UHRF2: variants seen among roughly 807,000 people sequenced by gnomAD.
UHRF2 encodes E3 ubiquitin-protein ligase UHRF2.
In UHRF2, 23 loss-of-function variants were observed where a neutral mutation model predicts 96.8. That is an observed-to-expected ratio of 0.24 (90% CI 0.17 to 0.34). UHRF2 has a LOEUF of 0.34. Among genes scored for constraint, UHRF2 ranks in the 10% least tolerant of loss-of-function variants. The pLI is 1.00. For missense variants in UHRF2, 685 were observed against 981.5 expected (o/e 0.70, Z 4.04); for synonymous variants, 385 against 332.6 (o/e 1.16, Z -1.72).
intron 2 of UHRF2, among the ~76,000 whole-genome samples, chr9:6,428,533 C>CTTT (rs1171172143): frequency 4.6e-5 from 3 of 65,420 alleles, no homozygotes; most frequent in South Asian, 6.9e-4. Context: ...ATTGCTTTTG[C>CTTT]TTTTTTTTTT....
At chr9:6,453,890 G>A (rs914565489) in intron 3 of UHRF2, among the ~76,000 whole-genome samples, 13 of 152,084 alleles carry the variant, frequency 8.5e-5, no homozygotes, top group African/African-American at 3.1e-4. Context: ...GGGCAACAGA[G>A]TAAGACTCCG....
chr9:6,502,417 C>T (rs1587888881), intron 14 of UHRF2, among the ~76,000 whole-genome samples: 1 of 152,280 alleles, frequency 6.6e-6, no homozygotes, highest in Admixed American at 6.5e-5. Flanking sequence ...GAGAGATCTT[C>T]CCAAACTACC....
intron 3 of UHRF2, among the ~76,000 whole-genome samples, chr9:6,451,523 T>C (rs1305156410): frequency 6.6e-6 from 1 of 151,880 alleles, no homozygotes; most frequent in Non-Finnish European, 1.5e-5. Flanking sequence ...GTCGCCCAGG[T>C]TGGAGTGCAG....
At chr9:6,437,306 C>T (rs944861688) in intron 3 of UHRF2, among the ~76,000 whole-genome samples, 4 of 152,188 alleles carry the variant, frequency 2.6e-5, no homozygotes, top group African/African-American at 9.7e-5. Flanking sequence ...GATCTCGGCT[C>T]GCTGCAACCT....
chr9:6,469,338 T>C (rs1468414158), intron 4 of UHRF2, among the ~76,000 whole-genome samples: 1 of 151,966 alleles, frequency 6.6e-6, no homozygotes, highest in African/African-American at 2.4e-5. Flanking sequence ...GCCAACATAG[T>C]GAAACCCCGT....
At chr9:6,418,481 T>C (rs1222429343) in intron 1 of UHRF2, among the ~76,000 whole-genome samples, 1 of 152,138 alleles carries the variant, frequency 6.6e-6, no homozygotes, top group African/African-American at 2.4e-5. Context: ...TTTGAGATTG[T>C]GCTTGTTGGG....
chr9:6,493,738 C>A, intron 9 of UHRF2, 88 bp from the exon 10 acceptor site: 2 of 1,137,368 alleles, frequency 1.8e-6, no homozygotes, highest in Non-Finnish European at 2.5e-6. Context: ...CTCATAACAT[C>A]CTAATGAAAT....
intron 3 of UHRF2, among the ~76,000 whole-genome samples, chr9:6,443,579 C>G (rs1381308072): frequency 6.6e-6 from 1 of 152,048 alleles, no homozygotes; most frequent in Non-Finnish European, 1.5e-5. Context: ...GTTTATCTCT[C>G]TAGTCAGAAT....
At chr9:6,485,716 C>A (rs1190618093) in intron 8 of UHRF2, among the ~76,000 whole-genome samples, 2 of 141,648 alleles carry the variant, frequency 1.4e-5, no homozygotes, top group Non-Finnish European at 3.0e-5. Flanking sequence ...ATAATCCCAA[C>A]ACTATTGGGG....
At chr9:6,425,406 C>T (rs1298273449) in intron 2 of UHRF2, among the ~76,000 whole-genome samples, 2 of 152,096 alleles carry the variant, frequency 1.3e-5, no homozygotes, top group African/African-American at 4.8e-5. Flanking sequence ...TGTATATTTC[C>T]TGCTTCAGTC....
At chr9:6,420,206 C>A (rs1024101201) in intron 1 of UHRF2, among the ~76,000 whole-genome samples, 2 of 151,854 alleles carry the variant, frequency 1.3e-5, no homozygotes, top group Admixed American at 6.6e-5. Flanking sequence ...CAGGTGCGTA[C>A]CACCACGCCC....
At chr9:6,500,805 T>A in intron 14 of UHRF2, 96 bp downstream of exon 14, 1 of 1,204,634 alleles carries the variant, frequency 8.3e-7, no homozygotes. Context: ...AGTCAAAACT[T>A]CATCCTTCTA....
At chr9:6,441,467 T>C (rs1821157339) in intron 3 of UHRF2, among the ~76,000 whole-genome samples, 3 of 152,112 alleles carry the variant, frequency 2.0e-5, no homozygotes, top group African/African-American at 7.2e-5. Context: ...GAATCAGTCC[T>C]GGAGTTGGCT....
intron 8 of UHRF2, among the ~76,000 whole-genome samples, chr9:6,485,202 T>C (rs1824196374): frequency 1.3e-5 from 2 of 152,238 alleles, no homozygotes; most frequent in Non-Finnish European, 2.9e-5. Flanking sequence ...ATTCAGAGTT[T>C]AGGTTATTAT....
At position 6,497,460 on chromosome 9, in the gene UHRF2, G is replaced by A. The variant is rs906171757; in HGVS notation, c.1767+100G>A. The A allele has an allele frequency of 2.3e-6, 3 of 1,328,626 alleles. No individual in the cohort carries two copies. The Admixed American group carries it at 6.4e-5, about 29-fold the overall frequency. The allele number at this position is 1,328,626 out of a possible 1,614,324, so 82.3% of individuals were successfully genotyped here. A position where few individuals can be genotyped will look rare whatever the true frequency, so the allele number is the denominator to read the frequency against. On this transcript the variant is annotated intron_variant, in intron 11 of 15. Transcript: ENST00000276893. ...TGTGGGTGGGCTCGAGGAAACAGTA[G>A]CCATCTTATATTGCTACTTTTTCTG...
In UHRF2 at chr9:6,499,815, C is replaced by G; in HGVS notation, c.1909-20C>G. 1.9e-6 allele frequency: 3 copies of G among 1,552,460 alleles called. No individual in the cohort carries two copies. Among genetic ancestry groups the G allele is most frequent in the Non-Finnish European group, 2.6e-6 (3 of 1,143,710 alleles). On this transcript the variant is annotated intron_variant, in intron 12 of 15. Coordinates refer to ENST00000276893, the MANE Select transcript of UHRF2 (RefSeq NM_152896.3). Reference sequence around the variant, plus strand: ...GAAGCTTAAATCTGCATTGTACTCTCCCTCCTCCCCCCCCATCAGTATCCA... The same window carrying G: ...GAAGCTTAAATCTGCATTGTACTCTGCCTCCTCCCCCCCCATCAGTATCCA...
chr9:6,471,529 C>T (rs748541040), intron 4 of UHRF2, among the ~76,000 whole-genome samples: 9 of 152,110 alleles, frequency 5.9e-5, no homozygotes, highest in African/African-American at 4.8e-5. Context: ...ATTTTGGGTG[C>T]GCCCTCTTGG....
chr9:6,489,090 G>A (rs1358305147), intron 9 of UHRF2, among the ~76,000 whole-genome samples: 2 of 152,110 alleles, frequency 1.3e-5, no homozygotes, highest in Admixed American at 6.6e-5. Flanking sequence ...GATTACAGGC[G>A]TGAGCCACTG....
At chr9:6,474,938 T>G (rs985295063) in intron 4 of UHRF2, among the ~76,000 whole-genome samples, 2 of 152,326 alleles carry the variant, frequency 1.3e-5, no homozygotes, top group Non-Finnish European at 2.9e-5. Context: ...TTATCCCATA[T>G]AATTACATTT....
Sources: allele counts gnomAD v4.1 joint callset (sites outside exome capture counted in the v4.1 genomes callset), GRCh38; gene constraint gnomAD v4.1.1; transcripts MANE v1.5; gene names NCBI Gene and HGNC (gene_info 2026-07-23, HGNC 2026-07-21).